The following CTNNA3 variants were observed in gnomAD, a reference collection of about 807,000 sequenced individuals.
CTNNA3 encodes catenin alpha 3.
A neutral mutation model predicts 95.7 loss-of-function variants in CTNNA3; 76 were observed. The observed-to-expected ratio is 0.79, with a 90% CI of 0.66 to 0.96. The LOEUF is 0.96. Ranked by LOEUF, CTNNA3 falls within the 40% of genes least tolerant of loss-of-function variation. The probability of loss-of-function intolerance (pLI) is 0.00; values close to 1 mark genes in which losing one functional copy is unlikely to be tolerated. For synonymous variants in CTNNA3, 431 were observed against 374.4 expected, an observed-to-expected ratio of 1.15 and a Z score of -1.74; for missense variants, 1,191 against 1,089.8, an observed-to-expected ratio of 1.09 and a Z score of -1.31.
chr10:67,137,572 T>C (rs1022187806), intron 7 of CTNNA3, among the ~76,000 whole-genome samples: 5 of 152,178 alleles, frequency 3.3e-5, no homozygotes, highest in Admixed American at 2.6e-4. Context: ...ACAAAACCCA[T>C]TTGACCCTAG....
At chr10:67,749,006 C>T (rs1206164106) in intron 1 of CTNNA3, among the ~76,000 whole-genome samples, 1 of 152,070 alleles carries the variant, frequency 6.6e-6, no homozygotes, top group Non-Finnish European at 1.5e-5. Flanking sequence ...GGTTGCAATC[C>T]TACTTTCTGA....
intron 5 of CTNNA3, among the ~76,000 whole-genome samples, chr10:67,464,608 A>G (rs548369869): frequency 6.6e-6 from 1 of 152,290 alleles, no homozygotes; most frequent in East Asian, 1.9e-4. Context: ...CACTGAATAT[A>G]TAATTCATTA....
chr10:66,972,726 T>TTTTTTTA (rs1849794564), intron 7 of CTNNA3, among the ~76,000 whole-genome samples: 1 of 86,648 alleles, frequency 1.2e-5, no homozygotes, highest in Non-Finnish European at 2.5e-5. Flanking sequence ...TTTTTTTTTT[T>TTTTTTTA]ATGAAATGGA....
intron 17 of CTNNA3, among the ~76,000 whole-genome samples, chr10:65,925,156 C>G (rs1321072632): frequency 2.0e-5 from 3 of 152,164 alleles, no homozygotes; most frequent in Non-Finnish European, 4.4e-5. Flanking sequence ...GTGTTTTTAG[C>G]TAATTCTTGT....
At chr10:66,527,870 A>G (rs1271104788) in intron 10 of CTNNA3, among the ~76,000 whole-genome samples, 1 of 152,168 alleles carries the variant, frequency 6.6e-6, no homozygotes, top group Non-Finnish European at 1.5e-5. Flanking sequence ...GTATGTCATC[A>G]CTGAACAGTG....
chr10:67,157,656 G>A (rs1861368397), intron 7 of CTNNA3, among the ~76,000 whole-genome samples: 1 of 152,064 alleles, frequency 6.6e-6, no homozygotes, highest in Non-Finnish European at 1.5e-5. Context: ...GAAAAACCAG[G>A]AATTTGTTTT....
rs929204282 is a variant in CTNNA3, at chr10:65,918,108, T to C, written c.*2222A>G. 1.3e-5 allele frequency: 2 copies of C among 152,204 alleles called. No homozygotes were observed. Among genetic ancestry groups the C allele is most frequent in the African/African-American group, 2.4e-5 (1 of 41,456 alleles). 9.4% of individuals were successfully genotyped at this position (152,204 alleles called of 1,614,324 possible). A position where few individuals can be genotyped will look rare whatever the true frequency, so the allele number is the denominator to read the frequency against. ...GGTTAAAGAGGAGAACTTGTTCACATCTCACTTTGGGTAAAAAGTCATTTT... is the reference window on the plus strand; with the variant it reads ...GGTTAAAGAGGAGAACTTGTTCACACCTCACTTTGGGTAAAAAGTCATTTT... On this transcript the variant is annotated 3_prime_UTR_variant, in exon 18 of 18. Coordinates refer to ENST00000433211, the MANE Select transcript of CTNNA3 (RefSeq NM_013266.4).
chr10:66,522,669 T>C (rs900328437), intron 10 of CTNNA3, among the ~76,000 whole-genome samples: 1 of 151,908 alleles, frequency 6.6e-6, no homozygotes, highest in Admixed American at 6.6e-5. Flanking sequence ...TTACCCAGTC[T>C]CAGTTCTGTC....
At chr10:67,361,591 A>G (rs906412964) in intron 5 of CTNNA3, among the ~76,000 whole-genome samples, 3 of 152,196 alleles carry the variant, frequency 2.0e-5, no homozygotes, top group African/African-American at 7.2e-5. Context: ...CAGAGATACA[A>G]CATACCAAAA....
intron 4 of CTNNA3, among the ~76,000 whole-genome samples, chr10:67,526,522 C>T (rs1351441227): frequency 6.6e-6 from 1 of 152,122 alleles, no homozygotes; most frequent in African/African-American, 2.4e-5. Context: ...TCACTTTGGA[C>T]AAGTCATTAT....
At position 67,582,080 on chromosome 10, in the gene CTNNA3, G is replaced by C. The variant is rs375342796; in HGVS notation, c.292+24777C>G. ...TTCCTTCAGTTCTGCTCTGATCTTAGTTATTTCTTGCTTTCTGCTAGCGTT... is the reference window on the plus strand; with the variant it reads ...TTCCTTCAGTTCTGCTCTGATCTTACTTATTTCTTGCTTTCTGCTAGCGTT... On this transcript the variant is annotated intron_variant, in intron 3 of 17. Transcript: ENST00000433211. 4.0e-5 allele frequency among the ~76,000 whole-genome samples: 6 copies of C among 148,542 alleles called. No individual in the cohort carries two copies. In the Admixed American group the frequency reaches 4.1e-4, roughly 10 times the overall value.
intron 3 of CTNNA3, among the ~76,000 whole-genome samples, chr10:67,589,779 G>T (rs1460562788): frequency 6.6e-6 from 1 of 152,092 alleles, no homozygotes; most frequent in African/African-American, 2.4e-5. Context: ...CCTCTGTGGG[G>T]ATCTCATAGT....
At chr10:65,957,367 T>C (rs1342539204) in intron 17 of CTNNA3, among the ~76,000 whole-genome samples, 2 of 152,240 alleles carry the variant, frequency 1.3e-5, no homozygotes, top group Non-Finnish European at 2.9e-5. Context: ...TGTCTTTTAA[T>C]TGGAGCATTT....
chr10:67,055,394 T>C (rs753532550), intron 7 of CTNNA3, among the ~76,000 whole-genome samples: 13 of 151,918 alleles, frequency 8.6e-5, no homozygotes, highest in Middle Eastern at 6.8e-3. Flanking sequence ...AAAGCAGTCA[T>C]GGACAGAGAT....
At chr10:67,673,613 G>T (rs1396901455) in intron 1 of CTNNA3, among the ~76,000 whole-genome samples, 3 of 146,250 alleles carry the variant, frequency 2.1e-5, no homozygotes, top group African/African-American at 7.5e-5. Flanking sequence ...CATCTATTGA[G>T]ATAATCATGT....
At chr10:67,442,420 CA>C (rs1039046908) in intron 5 of CTNNA3, among the ~76,000 whole-genome samples, 5 of 151,522 alleles carry the variant, frequency 3.3e-5, no homozygotes, top group Non-Finnish European at 7.4e-5. Context: ...AGTGGCTAAA[CA>C]GATTAAAAAA....
At chr10:67,572,686 C>T (rs1441385214) in intron 3 of CTNNA3, among the ~76,000 whole-genome samples, 1 of 152,164 alleles carries the variant, frequency 6.6e-6, no homozygotes, top group Non-Finnish European at 1.5e-5. Flanking sequence ...TTTAGCATAT[C>T]TGTTCTGATG....
At chr10:66,204,466 C>T (rs1041323870) in intron 13 of CTNNA3, among the ~76,000 whole-genome samples, 4 of 152,122 alleles carry the variant, frequency 2.6e-5, no homozygotes, top group Admixed American at 6.6e-5. Context: ...CTGATCCAAA[C>T]CTTTCAATGG....
intron 1 of CTNNA3, among the ~76,000 whole-genome samples, chr10:67,763,011 A>G (rs1841470669): frequency 6.6e-6 from 1 of 152,110 alleles, no homozygotes; most frequent in African/African-American, 2.4e-5. Flanking sequence ...AGTCTTGCCG[A>G]TGCTCCCAGC....
Sources: gnomAD v4.1 joint callset for allele counts (sites outside exome capture counted in the v4.1 genomes callset) on GRCh38, gnomAD v4.1.1 for gene constraint, MANE v1.5 for transcripts, NCBI Gene and HGNC (gene_info 2026-07-23, HGNC 2026-07-21) for gene names.